Variants in TCF12 observed in about 807,000 individuals in gnomAD.
TCF12 encodes the protein transcription factor 12, also known as DNA-binding protein HTF4.
Under a neutral mutation model 86.0 loss-of-function variants are expected in TCF12, and 45 were observed. That is an observed-to-expected ratio of 0.52 (90% CI 0.41 to 0.67). TCF12 has a LOEUF of 0.67. Ranked by LOEUF, TCF12 falls within the 30% of genes least tolerant of loss-of-function variation. TCF12 has a pLI of 0.00. For synonymous variants in TCF12, 330 were observed against 299.6 expected (o/e 1.10, Z -1.05); for missense variants, 881 against 859.9 (o/e 1.02, Z -0.31).
chr15:57,247,308 C>T, intron 13 of TCF12: 1 of 657,968 alleles, frequency 1.5e-6, no homozygotes, highest in Non-Finnish European at 2.8e-6. Context: ...CCTTCACCAC[C>T]ATAGCCTCCT....
intron 3 of TCF12, among the ~76,000 whole-genome samples, chr15:57,056,281 C>T (rs960894760): frequency 6.3e-4 from 96 of 151,886 alleles, no homozygotes; most frequent in Admixed American, 6.2e-3. Context: ...GCTGGGATTA[C>T]AGGCGCCCAC....
chr15:56,955,006 A>G (rs1784121087), intron 3 of TCF12, among the ~76,000 whole-genome samples: 1 of 152,206 alleles, frequency 6.6e-6, no homozygotes, highest in Admixed American at 6.5e-5. Context: ...TCCCTCAAGG[A>G]TCTAGAACTA....
chr15:56,919,981 T>G lies in TCF12; in HGVS notation c.68T>G (p.Phe23Cys). The stretch of plus-strand genomic sequence containing the variant: ...AAGGAGCTGAGCGACCTACTGGACT[T>G]CAGTGCGGTATGAGAGCTTTCCATG... Reference protein sequence around the residue: ...TDKELSDLLDFSAMFSPPVNS... With the variant: ...TDKELSDLLDCSAMFSPPVNS... The change falls in exon 2 of 21, where the codon TTC becomes TGC. Residue 23 changes from phenylalanine (F) to cysteine (C), a missense_variant. By Grantham distance (205) the Phe-to-Cys change is radical. Transcript: ENST00000333725. The G allele has an allele frequency of 6.2e-7, 1 of 1,614,046 alleles. No individual in the cohort carries two copies. Among genetic ancestry groups the G allele is most frequent in the Non-Finnish European group, 8.5e-7 (1 of 1,179,972 alleles).
At chr15:57,036,940 T>C (rs1385159173) in intron 3 of TCF12, among the ~76,000 whole-genome samples, 1 of 152,144 alleles carries the variant, frequency 6.6e-6, no homozygotes, top group East Asian at 1.9e-4. Flanking sequence ...CATTTCCTTA[T>C]AGTAAGTCAA....
At chr15:56,954,013 T>G (rs2061396292) in intron 3 of TCF12, among the ~76,000 whole-genome samples, 1 of 152,238 alleles carries the variant, frequency 6.6e-6, no homozygotes, top group South Asian at 2.1e-4. Flanking sequence ...GGTCATCAAT[T>G]TGAGACCTTT....
chr15:56,935,907 C>G (rs180708383), intron 3 of TCF12, among the ~76,000 whole-genome samples: 142 of 152,264 alleles, frequency 9.3e-4, no homozygotes, highest in Non-Finnish European at 1.6e-3. Flanking sequence ...GATAGATGAG[C>G]ATTTGAGCTG....
intron 5 of TCF12, among the ~76,000 whole-genome samples, chr15:57,163,847 G>A: frequency 6.6e-6 from 1 of 152,296 alleles, no homozygotes; most frequent in South Asian, 2.1e-4. Context: ...CAAGAAGATG[G>A]CAGAGACTGA....
At chr15:56,926,265 A>G (rs1439021807) in intron 3 of TCF12, among the ~76,000 whole-genome samples, 2 of 150,528 alleles carry the variant, frequency 1.3e-5, no homozygotes, top group Non-Finnish European at 1.5e-5. Context: ...GTGAGCCGAG[A>G]TTGTGCCACG....
intron 6 of TCF12, among the ~76,000 whole-genome samples, chr15:57,174,226 G>A (rs76220114): frequency 0.02 from 2,991 of 152,266 alleles, 109 homozygotes; most frequent in African/African-American, 0.065. Flanking sequence ...AACAACACGT[G>A]TGGTTTGTAG....
At chr15:57,140,013 C>G (rs1182667732) in intron 5 of TCF12, among the ~76,000 whole-genome samples, 2 of 152,106 alleles carry the variant, frequency 1.3e-5, no homozygotes, top group African/African-American at 2.4e-5. Context: ...CTCAAAAAAT[C>G]AACATAATTA....
chr15:57,075,758 TTTTCTTTCTTTCTTTCTTTCTTTC>T (rs762262996), intron 4 of TCF12, among the ~76,000 whole-genome samples: 1 of 91,224 alleles, frequency 1.1e-5, no homozygotes, highest in African/African-American at 4.1e-5. Flanking sequence ...ATGAGGTTTC[TTTTCTTTCTTTCTTTCTTTCTTTC>T]TTTCTTTCTT....
chr15:57,065,291 A>G (rs906835939), intron 4 of TCF12, among the ~76,000 whole-genome samples: 2 of 152,170 alleles, frequency 1.3e-5, no homozygotes, highest in East Asian at 3.8e-4. Flanking sequence ...CAGCCATTTA[A>G]TCTTGGACAC....
At chr15:57,039,555 T>A (rs1185577521) in intron 3 of TCF12, among the ~76,000 whole-genome samples, 1 of 151,656 alleles carries the variant, frequency 6.6e-6, no homozygotes, top group Non-Finnish European at 1.5e-5. Flanking sequence ...AGACCCTTCC[T>A]TACCCATGAC....
At chr15:57,221,415 C>T (rs62022237) in intron 8 of TCF12, among the ~76,000 whole-genome samples, 58,824 of 129,792 alleles carry the variant, frequency 0.45, 14,343 homozygotes, top group Non-Finnish European at 0.57. Context: ...TGTGTGTGCA[C>T]GTGTATAAGT....
chr15:56,979,623 G>A lies in TCF12; in HGVS notation c.148+58525G>A, dbSNP rs540647678. ...TATAATAGTTAAAGAAATACAGTAA[G>A]AGAGTATGTGAATCAGAAGGGGCCA... is the stretch of plus-strand genomic sequence containing the variant. On this transcript the variant is annotated intron_variant, in intron 3 of 20. Transcript: ENST00000333725. 1.7e-4 allele frequency among the ~76,000 whole-genome samples: 26 copies of A among 152,318 alleles called. No individual in the cohort carries two copies. In the South Asian group the frequency reaches 5.2e-3, roughly 30 times the overall value.
At chr15:56,993,153 C>T (rs2063535567) in intron 3 of TCF12, among the ~76,000 whole-genome samples, 1 of 152,068 alleles carries the variant, frequency 6.6e-6, no homozygotes, top group African/African-American at 2.4e-5. Flanking sequence ...AAAAGTGGGG[C>T]AATCTGAAAC....
At chr15:57,018,711 G>A (rs1439500359) in intron 3 of TCF12, among the ~76,000 whole-genome samples, 1 of 152,072 alleles carries the variant, frequency 6.6e-6, no homozygotes, top group Non-Finnish European at 1.5e-5. Context: ...AAAGGGCTAG[G>A]ATTACAGGCA....
At chr15:56,990,414 CTTGTAG>C (rs1460177140) in intron 3 of TCF12, among the ~76,000 whole-genome samples, 1 of 151,918 alleles carries the variant, frequency 6.6e-6, no homozygotes, top group East Asian at 1.9e-4. Flanking sequence ...AACTTATAGA[CTTGTAG>C]TTATAGGATA....
chr15:56,922,571 AAAT>A (rs1179234055), intron 3 of TCF12, among the ~76,000 whole-genome samples: 1 of 152,002 alleles, frequency 6.6e-6, no homozygotes, highest in Non-Finnish European at 1.5e-5. Flanking sequence ...CACAAAGAAA[AAAT>A]TATTTTTCTA....
Sources: gnomAD v4.1 joint callset for allele counts (sites outside exome capture counted in the v4.1 genomes callset) on GRCh38, gnomAD v4.1.1 for gene constraint, MANE v1.5 for transcripts, NCBI Gene and HGNC (gene_info 2026-07-23, HGNC 2026-07-21) for gene names.